Variants in DCC observed in about 807,000 individuals in gnomAD.
DCC encodes DCC netrin 1 receptor, also known as netrin receptor DCC.
In DCC, 58 loss-of-function variants were observed where a neutral mutation model predicts 172.5. That is an observed-to-expected ratio of 0.34 (90% CI 0.27 to 0.42). DCC has a LOEUF of 0.42. Among genes scored for constraint, DCC ranks in the 10% least tolerant of loss-of-function variants. The pLI is 1.00. For missense variants in DCC, 1,740 were observed against 1,791.0 expected (o/e 0.97, Z 0.51); for synonymous variants, 709 against 644.5 (o/e 1.10, Z -1.52).
Position 52,541,885 on chromosome 18 carries a change from ATATATATATATGTG to A in DCC, c.91+201021_91+201034del, listed in dbSNP as rs890302851. Among the ~76,000 whole-genome samples, 53 of 138,854 alleles carry A rather than the reference ATATATATATATGTG, an allele frequency of 3.8e-4. No homozygotes were observed. In the Middle Eastern group the frequency reaches 0.011, roughly 29 times the overall value. 91.1% of individuals were successfully genotyped at this position (138,854 alleles called of 152,430 possible). The stretch of plus-strand genomic sequence containing the variant: ...ATGATGTGTGTGTGTGTATATATAT[ATATATATATATGTG>A]TATATATATATGTACACAATCCTTT... On this transcript the variant is annotated intron_variant, in intron 1 of 28. Coordinates refer to ENST00000442544, the MANE Select transcript of DCC (RefSeq NM_005215.4).
intron 15 of DCC, among the ~76,000 whole-genome samples, chr18:53,348,322 C>G (rs2057748524): frequency 6.6e-6 from 1 of 152,212 alleles, no homozygotes; most frequent in African/African-American, 2.4e-5. Flanking sequence ...CCAAAATGAT[C>G]TCCTTTGACT....
chr18:52,411,584 T>C (rs984582844), intron 1 of DCC, among the ~76,000 whole-genome samples: 1 of 152,188 alleles, frequency 6.6e-6, no homozygotes, highest in Non-Finnish European at 1.5e-5. Flanking sequence ...GGCTACCTAC[T>C]TCTGGCTATA....
intron 5 of DCC, among the ~76,000 whole-genome samples, chr18:52,952,429 G>A (rs1049470982): frequency 4.6e-5 from 7 of 152,102 alleles, no homozygotes; most frequent in African/African-American, 1.7e-4. Context: ...AAAATGTGTG[G>A]AGGGAGAAGA....
intron 1 of DCC, among the ~76,000 whole-genome samples, chr18:52,525,505 A>T (rs1456707319): frequency 6.6e-6 from 1 of 152,240 alleles, no homozygotes; most frequent in African/African-American, 2.4e-5. Context: ...ATTTACACAA[A>T]GTGGATGGCT....
intron 1 of DCC, among the ~76,000 whole-genome samples, chr18:52,729,051 T>C (rs1040724374): frequency 2.6e-5 from 4 of 152,212 alleles, no homozygotes; most frequent in African/African-American, 7.2e-5. Context: ...GTTTTGGTTC[T>C]TTTTTAAAAA....
At chr18:53,036,532 C>T (rs2042094902) in intron 5 of DCC, among the ~76,000 whole-genome samples, 2 of 152,184 alleles carry the variant, frequency 1.3e-5, no homozygotes, top group Non-Finnish European at 1.5e-5. Flanking sequence ...CCTTCTGCTA[C>T]TTCACTGTAA....
chr18:53,101,326 A>T (rs558354533), intron 7 of DCC, among the ~76,000 whole-genome samples: 1 of 152,082 alleles, frequency 6.6e-6, no homozygotes, highest in South Asian at 2.1e-4. Flanking sequence ...CAAGTCAGAG[A>T]TGAGTAGGGG....
At chr18:53,141,655 A>T (rs1282650065) in intron 7 of DCC, among the ~76,000 whole-genome samples, 1 of 152,196 alleles carries the variant, frequency 6.6e-6, no homozygotes, top group Non-Finnish European at 1.5e-5. Flanking sequence ...TCAATGACAC[A>T]TTCCTTTCAT....
intron 12 of DCC, among the ~76,000 whole-genome samples, chr18:53,246,714 T>C (rs192438847): frequency 2.0e-5 from 3 of 152,220 alleles, no homozygotes; most frequent in Admixed American, 1.3e-4. Flanking sequence ...GATTTTTATA[T>C]AGGTCATGAA....
chr18:53,312,086 G>A (rs919284809), intron 13 of DCC, among the ~76,000 whole-genome samples: 1 of 149,226 alleles, frequency 6.7e-6, no homozygotes, highest in Non-Finnish European at 1.5e-5. Flanking sequence ...GAGGCGGGCG[G>A]ATCACGAGGT....
At chr18:52,462,930 C>G (rs1886531074) in intron 1 of DCC, among the ~76,000 whole-genome samples, 1 of 152,182 alleles carries the variant, frequency 6.6e-6, no homozygotes, top group African/African-American at 2.4e-5. Context: ...AACTGTAACT[C>G]TGCAGAAGTC....
At chr18:53,140,731 G>A (rs1167670066) in intron 7 of DCC, among the ~76,000 whole-genome samples, 1 of 152,082 alleles carries the variant, frequency 6.6e-6, no homozygotes, top group Non-Finnish European at 1.5e-5. Flanking sequence ...GGGAAAAAGA[G>A]AAGGAAAATG....
intron 9 of DCC, among the ~76,000 whole-genome samples, chr18:53,190,458 C>CTGTGTGTGTG (rs67103778): frequency 9.6e-5 from 14 of 146,370 alleles, no homozygotes; most frequent in African/African-American, 2.5e-4. Flanking sequence ...ACTGCTAACT[C>CTGTGTGTGTG]TGTGTGTGTG....
intron 1 of DCC, among the ~76,000 whole-genome samples, chr18:52,541,206 C>T (rs1333699122): frequency 6.6e-6 from 1 of 152,142 alleles, no homozygotes; most frequent in Admixed American, 6.5e-5. Context: ...ATTTCTAGTG[C>T]AGTGTTCCTC....
chr18:52,435,651 G>A (rs373196884), intron 1 of DCC, among the ~76,000 whole-genome samples: 29 of 152,226 alleles, frequency 1.9e-4, no homozygotes, highest in African/African-American at 7.0e-4. Flanking sequence ...TTCCTCCTGG[G>A]CCACCTGTTA....
At chr18:53,411,093 A>T (rs1909959073) in intron 20 of DCC, among the ~76,000 whole-genome samples, 1 of 151,634 alleles carries the variant, frequency 6.6e-6, no homozygotes, top group South Asian at 2.1e-4. Context: ...AACCAAAAAA[A>T]AAGTCTATTT....
chr18:52,716,851 G>T (rs1307469674), intron 1 of DCC, among the ~76,000 whole-genome samples: 1 of 152,070 alleles, frequency 6.6e-6, no homozygotes, highest in Non-Finnish European at 1.5e-5. Flanking sequence ...TCTTGAAACT[G>T]TTCTAAAATT....
chr18:52,362,758 A>T (rs1184343744), intron 1 of DCC, among the ~76,000 whole-genome samples: 1 of 151,476 alleles, frequency 6.6e-6, no homozygotes, highest in Non-Finnish European at 1.5e-5. Context: ...AGAATCAAAC[A>T]AAACTTCTCT....
At chr18:53,011,747 A>C (rs1163004471) in intron 5 of DCC, among the ~76,000 whole-genome samples, 8 of 64,046 alleles carry the variant, frequency 1.2e-4, no homozygotes, top group African/African-American at 6.1e-4. Flanking sequence ...GCCCTACCTC[A>C]ATTTTTTTTT....
Sources: allele counts gnomAD v4.1 joint callset (sites outside exome capture counted in the v4.1 genomes callset), GRCh38; gene constraint gnomAD v4.1.1; transcripts MANE v1.5; gene names NCBI Gene and HGNC (gene_info 2026-07-23, HGNC 2026-07-21).